Variants in SMYD3 observed in about 807,000 individuals in gnomAD.
The protein encoded by SMYD3 is histone-lysine N-methyltransferase SMYD3.
A neutral mutation model predicts 57.7 loss-of-function variants in SMYD3; 36 were observed. The observed-to-expected ratio is 0.62, with a 90% CI of 0.48 to 0.82. The LOEUF (loss-of-function observed/expected upper bound fraction) is 0.82, where lower values mean the gene tolerates loss of function less well. SMYD3 is among the 40% of genes least tolerant of loss of function. The pLI is 0.00. For missense variants in SMYD3, 515 were observed against 538.8 expected (o/e 0.96, Z 0.44); for synonymous variants, 211 against 195.0 (o/e 1.08, Z -0.68).
At chr1:246,173,458 T>C (rs2062378444) in intron 5 of SMYD3, among the ~76,000 whole-genome samples, 1 of 152,276 alleles carries the variant, frequency 6.6e-6, no homozygotes, top group African/African-American at 2.4e-5. Flanking sequence ...ATAAACTTTT[T>C]TTAACCTTTT....
At chr1:245,947,433 T>A (rs543229812) in intron 5 of SMYD3, 73 of 457,070 alleles carry the variant, frequency 1.6e-4, no homozygotes, top group Non-Finnish European at 3.0e-4. Context: ...ACCCAATTGT[T>A]TCCTGTTTTG....
At chr1:246,241,917 T>G (rs540162900) in intron 5 of SMYD3, among the ~76,000 whole-genome samples, 1 of 152,338 alleles carries the variant, frequency 6.6e-6, no homozygotes, top group African/African-American at 2.4e-5. Context: ...TAGTTTGCAT[T>G]TCTGTGGGGT....
Position 246,291,248 on chromosome 1 carries a change from C to A in SMYD3, c.531+35953G>T, listed in dbSNP as rs116420655. Among the ~76,000 whole-genome samples the A allele has an allele frequency of 5.6e-3, 849 of 152,328 alleles. 4 individuals carry two copies. Among genetic ancestry groups the A allele is most frequent in the Middle Eastern group, 0.024 (7 of 294 alleles). On this transcript the variant is annotated intron_variant, in intron 5 of 11. Coordinates refer to ENST00000490107, the MANE Select transcript of SMYD3 (RefSeq NM_001167740.2). ...CTACTTGTAAAATAATATTCGCATACAAATTTGCAATTCAAATTTGATGTC... is the reference window on the plus strand; with the variant it reads ...CTACTTGTAAAATAATATTCGCATAAAAATTTGCAATTCAAATTTGATGTC...
intron 2 of SMYD3, among the ~76,000 whole-genome samples, chr1:246,347,706 C>A (rs545144220): frequency 2.0e-5 from 3 of 152,120 alleles, no homozygotes; most frequent in African/African-American, 7.2e-5. Flanking sequence ...TGTCTCCTGG[C>A]CCTTCCACCA....
intron 7 of SMYD3, among the ~76,000 whole-genome samples, chr1:245,923,294 GA>G (rs143227840): frequency 2.0e-5 from 3 of 146,888 alleles, no homozygotes; most frequent in South Asian, 2.2e-4. Context: ...AAACATGCAG[GA>G]AAAAAAAAAC....
In SMYD3 at chr1:246,107,216, G is replaced by T. The variant is rs541357469; in HGVS notation, c.532-177279C>A. 3.0e-4 allele frequency among the ~76,000 whole-genome samples: 46 copies of T among 151,718 alleles called. 2 individuals carry two copies. In the South Asian group the frequency reaches 9.5e-3, roughly 31 times the overall value. On this transcript the variant is annotated intron_variant, in intron 5 of 11. Transcript: ENST00000490107. Reference sequence around the variant, plus strand: ...GCAGGAGAATGGTGTGAACCTGGGAGGCGGAGCTTGCAGTGAGCCGAGATT... The same window carrying T: ...GCAGGAGAATGGTGTGAACCTGGGATGCGGAGCTTGCAGTGAGCCGAGATT...
chr1:246,455,580 T>TAGAAAAGCCAGATACTGC (rs1410273009), intron 1 of SMYD3, among the ~76,000 whole-genome samples: 3 of 152,100 alleles, frequency 2.0e-5, no homozygotes, highest in Non-Finnish European at 2.9e-5. Flanking sequence ...CCAGATACTA[T>TAGAAAAGCCAGATACTGC]AGAAAAGCCA....
At chr1:246,424,327 T>A (rs1208423485) in intron 1 of SMYD3, among the ~76,000 whole-genome samples, 1 of 151,580 alleles carries the variant, frequency 6.6e-6, no homozygotes. Context: ...CAAACAAGTA[T>A]AGCTAACAAG....
intron 5 of SMYD3, among the ~76,000 whole-genome samples, chr1:246,143,126 TACACACACACACAC>T (rs370332515): frequency 0.052 from 7,610 of 146,092 alleles, 247 homozygotes; most frequent in Non-Finnish European, 0.068. Flanking sequence ...GTATATTTAA[TACACACACACACAC>T]ACACACACAC....
At chr1:246,045,190 A>G (rs1421879823) in intron 5 of SMYD3, among the ~76,000 whole-genome samples, 1 of 152,228 alleles carries the variant, frequency 6.6e-6, no homozygotes, top group Non-Finnish European at 1.5e-5. Flanking sequence ...CCTAAGCCAA[A>G]AGAACAAAGC....
intron 5 of SMYD3, among the ~76,000 whole-genome samples, chr1:246,237,098 G>A (rs1319746826): frequency 6.6e-6 from 1 of 152,084 alleles, no homozygotes; most frequent in Non-Finnish European, 1.5e-5. Flanking sequence ...CCCCCCACTT[G>A]TCAATTCTAT....
chr1:246,425,712 TTCTG>T (rs1423860908), intron 1 of SMYD3, among the ~76,000 whole-genome samples: 1 of 152,194 alleles, frequency 6.6e-6, no homozygotes, highest in African/African-American at 2.4e-5. Flanking sequence ...AGTGGCTTCA[TTCTG>T]TCTTACTTAC....
At chr1:245,953,962 A>AT (rs2057748670) in intron 5 of SMYD3, among the ~76,000 whole-genome samples, 1 of 152,234 alleles carries the variant, frequency 6.6e-6, no homozygotes, top group Non-Finnish European at 1.5e-5. Flanking sequence ...TTTAAAAAGG[A>AT]TTTTGTGTAA....
intron 5 of SMYD3, among the ~76,000 whole-genome samples, chr1:246,148,825 G>T (rs1024583065): frequency 1.3e-5 from 2 of 152,176 alleles, no homozygotes; most frequent in African/African-American, 4.8e-5. Flanking sequence ...TTGTTAATAA[G>T]CAAGAAGACA....
At chr1:246,424,044 T>A (rs1166302142) in intron 1 of SMYD3, among the ~76,000 whole-genome samples, 1 of 152,120 alleles carries the variant, frequency 6.6e-6, no homozygotes, top group Non-Finnish European at 1.5e-5. Context: ...AAGCTAGAAA[T>A]TTTTAAGGAA....
intron 10 of SMYD3, among the ~76,000 whole-genome samples, chr1:245,850,336 C>A (rs982402815): frequency 1.3e-5 from 2 of 152,124 alleles, no homozygotes; most frequent in Non-Finnish European, 1.5e-5. Flanking sequence ...TTTCTCAGGG[C>A]AGAACCTCTA....
chr1:246,373,249 A>G (rs2148733798), intron 1 of SMYD3, among the ~76,000 whole-genome samples: 1 of 152,310 alleles, frequency 6.6e-6, no homozygotes, highest in African/African-American at 2.4e-5. Context: ...TCAAATAAAC[A>G]TAAACATTAA....
At chr1:245,778,676 G>A (rs926302207) in intron 10 of SMYD3, among the ~76,000 whole-genome samples, 1 of 152,052 alleles carries the variant, frequency 6.6e-6, no homozygotes, top group African/African-American at 2.4e-5. Flanking sequence ...TCAATGATGA[G>A]GCCATGAACT....
At chr1:246,371,663 A>G (rs960500734) in intron 1 of SMYD3, among the ~76,000 whole-genome samples, 5 of 152,236 alleles carry the variant, frequency 3.3e-5, no homozygotes, top group African/African-American at 9.6e-5. Flanking sequence ...ATAACATACT[A>G]TGACGTAAGC....
Sources: allele counts gnomAD v4.1 joint callset (sites outside exome capture counted in the v4.1 genomes callset), GRCh38; gene constraint gnomAD v4.1.1; transcripts MANE v1.5; gene names NCBI Gene and HGNC (gene_info 2026-07-23, HGNC 2026-07-21).